The following MATN2 variants were observed in gnomAD, a reference collection of about 807,000 sequenced individuals.
MATN2 encodes matrilin-2.
MATN2 carries 69 observed loss-of-function variants against 103.2 expected under a neutral mutation model. The ratio of observed to expected loss-of-function variants is 0.67; its 90% CI spans 0.55 to 0.82. The LOEUF (loss-of-function observed/expected upper bound fraction) is 0.82. Among genes scored for constraint, MATN2 ranks in the 40% least tolerant of loss-of-function variants. The pLI, the probability that MATN2 is intolerant of heterozygous loss-of-function variation, is 0.00. For synonymous variants in MATN2, 429 were observed against 450.2 expected (o/e 0.95, Z 0.60); for missense variants, 1,023 against 1,211.5 (o/e 0.84, Z 2.31).
At position 98,035,766 on chromosome 8, in the gene MATN2, G is replaced by T; in HGVS notation, c.*54G>T. ...CATTGTATCACGGATTACAATGAAC[G>T]CAGTGCAGAGCCCCAAAGCTCAGGC... On this transcript the variant is annotated 3_prime_UTR_variant, in exon 19 of 19. Transcript: ENST00000254898. 8.9e-7 allele frequency: 1 copy of T among 1,122,262 alleles called. No individual in the cohort carries two copies. The highest frequency in any genetic ancestry group is 1.5e-5 in the South Asian group (1 of 65,178). The allele number at this position is 1,122,262 out of a possible 1,614,324, so 69.5% of individuals were successfully genotyped here. A position where few individuals can be genotyped will look rare whatever the true frequency, so the allele number is the denominator to read the frequency against.
At chr8:97,894,087 G>T (rs1329749640) in intron 2 of MATN2, among the ~76,000 whole-genome samples, 10 of 152,116 alleles carry the variant, frequency 6.6e-5, no homozygotes, top group Admixed American at 2.6e-4. Flanking sequence ...AGAGCATTTT[G>T]TGGCAATATG....
intron 6 of MATN2, among the ~76,000 whole-genome samples, chr8:97,993,260 C>T (rs1208938744): frequency 6.6e-6 from 1 of 152,072 alleles, no homozygotes; most frequent in Non-Finnish European, 1.5e-5. Context: ...ACTGGGAACT[C>T]TCATTTATAC....
chr8:97,983,367 T>C (rs1257425476), intron 6 of MATN2, among the ~76,000 whole-genome samples: 1 of 152,248 alleles, frequency 6.6e-6, no homozygotes, highest in Non-Finnish European at 1.5e-5. Context: ...TGCTTTCAGT[T>C]CTTCTGGGTT....
chr8:97,934,861 A>T (rs551722891), intron 3 of MATN2, among the ~76,000 whole-genome samples: 1 of 152,186 alleles, frequency 6.6e-6, no homozygotes, highest in Non-Finnish European at 1.5e-5. Context: ...TTAACCTTTT[A>T]TCTGTAGCTA....
chr8:97,874,517 T>C (rs954533467), intron 1 of MATN2, among the ~76,000 whole-genome samples: 2 of 152,068 alleles, frequency 1.3e-5, no homozygotes, highest in Non-Finnish European at 2.9e-5. Context: ...GTGACCCTCT[T>C]ATTTAGGCTC....
intron 4 of MATN2, among the ~76,000 whole-genome samples, chr8:97,942,891 G>T (rs902815522): frequency 2.6e-5 from 4 of 152,064 alleles, no homozygotes; most frequent in African/African-American, 9.7e-5. Flanking sequence ...GTTGGCTGGA[G>T]TTCTCCCTGC....
intron 7 of MATN2, among the ~76,000 whole-genome samples, chr8:98,002,070 A>C: frequency 6.6e-6 from 1 of 152,144 alleles, no homozygotes; most frequent in South Asian, 2.1e-4. Flanking sequence ...TTCCCGCAAC[A>C]CCAGTCTCAT....
At chr8:97,951,554 G>A (rs1469049818) in intron 4 of MATN2, among the ~76,000 whole-genome samples, 1 of 152,142 alleles carries the variant, frequency 6.6e-6, no homozygotes, top group Non-Finnish European at 1.5e-5. Flanking sequence ...CCAGGAATGT[G>A]GGTTTTCCCA....
At chr8:97,901,132 A>C (rs1488909825) in intron 2 of MATN2, among the ~76,000 whole-genome samples, 1 of 152,180 alleles carries the variant, frequency 6.6e-6, no homozygotes, top group Non-Finnish European at 1.5e-5. Context: ...TGACCGAAGC[A>C]GGCCTCTCCA....
At chr8:97,896,047 G>C (rs1344284913) in intron 2 of MATN2, among the ~76,000 whole-genome samples, 1 of 152,152 alleles carries the variant, frequency 6.6e-6, no homozygotes, top group Admixed American at 6.5e-5. Flanking sequence ...AGAATGCCCT[G>C]CCCATCTGTA....
rs139149764 is a variant in MATN2, at chr8:98,035,927, G to T, written c.*215G>T. 329 of 399,288 alleles carry T rather than the reference G, an allele frequency of 8.2e-4. No homozygotes were observed. In the East Asian group the frequency reaches 0.012, roughly 15 times the overall value. 24.7% of individuals were successfully genotyped at this position (399,288 alleles called of 1,614,324 possible). ...AAAAAATCCTTCAGAATTCTAAGAT[G>T]AATTTACCAGGTGAGAATGAATAAG... On this transcript the variant is annotated 3_prime_UTR_variant, in exon 19 of 19. Transcript: ENST00000254898.
intron 2 of MATN2, among the ~76,000 whole-genome samples, chr8:97,929,835 T>C (rs1291777944): frequency 6.6e-6 from 1 of 152,240 alleles, no homozygotes; most frequent in Non-Finnish European, 1.5e-5. Flanking sequence ...CTGTTGACTT[T>C]TCATTATGTA....
chr8:97,927,214 G>T (rs1186310092), intron 2 of MATN2, among the ~76,000 whole-genome samples: 2 of 152,092 alleles, frequency 1.3e-5, no homozygotes, highest in African/African-American at 2.4e-5. Flanking sequence ...CATGATCTTG[G>T]CTCACAGCAA....
At chr8:97,882,208 G>A (rs1818280771) in intron 1 of MATN2, among the ~76,000 whole-genome samples, 1 of 151,662 alleles carries the variant, frequency 6.6e-6, no homozygotes, top group South Asian at 2.1e-4. Flanking sequence ...ACAGGCATGA[G>A]CCACCATGCC....
chr8:97,935,569 G>A (rs1444183282), intron 3 of MATN2, among the ~76,000 whole-genome samples: 1 of 152,168 alleles, frequency 6.6e-6, no homozygotes, highest in Non-Finnish European at 1.5e-5. Context: ...CCAGGCTAGA[G>A]TGCAGTGGCA....
intron 10 of MATN2, among the ~76,000 whole-genome samples, chr8:98,009,657 C>A (rs542765653): frequency 5.3e-5 from 8 of 152,326 alleles, no homozygotes; most frequent in Non-Finnish European, 1.2e-4. Flanking sequence ...AGCCCCCTGA[C>A]CGCAAGCTCT....
chr8:97,996,514 G>T (rs1158406986), intron 7 of MATN2, among the ~76,000 whole-genome samples: 7 of 152,154 alleles, frequency 4.6e-5, no homozygotes, highest in Non-Finnish European at 8.8e-5. Context: ...TTTAGCCAGG[G>T]TTCTTACTTT....
At chr8:97,971,342 A>G (rs529225539) in intron 5 of MATN2, among the ~76,000 whole-genome samples, 2 of 152,346 alleles carry the variant, frequency 1.3e-5, no homozygotes, top group Admixed American at 6.5e-5. Context: ...TGTGACCTGC[A>G]TGAAAGTTCA....
At chr8:98,008,396 A>G (rs961106304) in intron 10 of MATN2, among the ~76,000 whole-genome samples, 2 of 152,324 alleles carry the variant, frequency 1.3e-5, no homozygotes, top group South Asian at 2.1e-4. Flanking sequence ...ACCACCATTT[A>G]TCTTCCCCAG....
Sources: gnomAD v4.1 joint callset for allele counts (sites outside exome capture counted in the v4.1 genomes callset) on GRCh38, gnomAD v4.1.1 for gene constraint, MANE v1.5 for transcripts, NCBI Gene and HGNC (gene_info 2026-07-23, HGNC 2026-07-21) for gene names.